GRIK4: variants seen among roughly 807,000 people sequenced by gnomAD.
The protein encoded by GRIK4 is glutamate receptor ionotropic, kainate 4.
Under a neutral mutation model 104.9 loss-of-function variants are expected in GRIK4, and 40 were observed. The observed-to-expected ratio is 0.38, with a 90% CI of 0.30 to 0.50. The LOEUF (loss-of-function observed/expected upper bound fraction) is 0.50, where lower values mean the gene tolerates loss of function less well. GRIK4 is among the 20% of genes least tolerant of loss of function. The pLI is 0.93. For synonymous variants in GRIK4, 485 were observed against 524.9 expected, an observed-to-expected ratio of 0.92 and a Z score of 1.04; for missense variants, 1,047 against 1,308.1, an observed-to-expected ratio of 0.80 and a Z score of 3.08.
chr11:120,697,242 G>A (rs1950465123), intron 3 of GRIK4, among the ~76,000 whole-genome samples: 1 of 152,232 alleles, frequency 6.6e-6, no homozygotes, highest in Non-Finnish European at 1.5e-5. Flanking sequence ...GGGAACAGTG[G>A]CAGACAGTCC....
At chr11:120,605,434 A>G (rs1948947418) in intron 1 of GRIK4, among the ~76,000 whole-genome samples, 1 of 152,242 alleles carries the variant, frequency 6.6e-6, no homozygotes, top group Non-Finnish European at 1.5e-5. Flanking sequence ...GTTAAATAAG[A>G]CAAATACTAC....
intron 1 of GRIK4, among the ~76,000 whole-genome samples, chr11:120,608,754 A>G (rs1591735055): frequency 6.6e-6 from 1 of 152,052 alleles, no homozygotes; most frequent in African/African-American, 2.4e-5. Flanking sequence ...TGACCCTGCT[A>G]CCTCCTGCCC....
intron 3 of GRIK4, among the ~76,000 whole-genome samples, chr11:120,784,785 A>AC (rs1952230382): frequency 6.6e-6 from 1 of 150,620 alleles, no homozygotes; most frequent in South Asian, 2.1e-4. Flanking sequence ...TGTGATCTCT[A>AC]CCCTCCCTCC....
intron 3 of GRIK4, among the ~76,000 whole-genome samples, chr11:120,800,068 G>A (rs1718738904): frequency 6.6e-6 from 1 of 150,516 alleles, no homozygotes; most frequent in Admixed American, 6.6e-5. Context: ...TGGTCAGGTT[G>A]GTCTCAAACT....
chr11:120,725,746 A>T (rs185375874), intron 3 of GRIK4, among the ~76,000 whole-genome samples: 2,458 of 136,574 alleles, frequency 0.018, 58 homozygotes, highest in African/African-American at 0.06. Context: ...CTATGTTTAT[A>T]AAAAAAAAAA....
intron 13 of GRIK4, among the ~76,000 whole-genome samples, chr11:120,911,106 G>A (rs1942980764): frequency 6.6e-6 from 1 of 152,184 alleles, no homozygotes; most frequent in Non-Finnish European, 1.5e-5. Context: ...TGTTTGAGCT[G>A]CAGCATGAAA....
chr11:120,677,532 A>G (rs1258123720), intron 3 of GRIK4, among the ~76,000 whole-genome samples: 1 of 152,228 alleles, frequency 6.6e-6, no homozygotes, highest in Non-Finnish European at 1.5e-5. Flanking sequence ...AATACTGACA[A>G]TGCCCTGTTT....
At chr11:120,699,992 T>C (rs1048295471) in intron 3 of GRIK4, among the ~76,000 whole-genome samples, 2 of 152,198 alleles carry the variant, frequency 1.3e-5, no homozygotes, top group African/African-American at 4.8e-5. Context: ...AAGGCCATGA[T>C]TGGACTTCAA....
At position 120,953,916 on chromosome 11, in the gene GRIK4, G is replaced by A. The variant is rs1240137806; in HGVS notation, c.1700+952G>A. Reference sequence around the variant, plus strand: ...TATGTGGGAGCAGAGAACTACTCAGGAGGAGCTTCTGGAATCTGTCCGTGG... The same window carrying A: ...TATGTGGGAGCAGAGAACTACTCAGAAGGAGCTTCTGGAATCTGTCCGTGG... On this transcript the variant is annotated intron_variant, in intron 15 of 20. Coordinates refer to ENST00000527524, the MANE Select transcript of GRIK4 (RefSeq NM_014619.5). This position sits in a 1 kb window ranked among gnomAD's most constrained non-coding sequence, Gnocchi z 4.9. 6.6e-6 allele frequency among the ~76,000 whole-genome samples: 1 copy of A among 152,216 alleles called. No individual in the cohort carries two copies. The highest frequency in any genetic ancestry group is 1.5e-5 in the Non-Finnish European group (1 of 68,038).
rs12294120 is a variant in GRIK4 at position 120,900,650 on chromosome 11, G to C, written c.1272+2011G>C. On this transcript the variant is annotated intron_variant, in intron 12 of 20. Transcript: ENST00000527524. ...TGGTGATGTTGATACCCAGGGGTCA[G>C]GGTGGCCTCTCCGAGAAAGGGAGCA... 7.4e-3 allele frequency among the ~76,000 whole-genome samples: 1,126 copies of C among 152,258 alleles called. 14 individuals are homozygous for C. The highest frequency in any genetic ancestry group is 0.026 in the African/African-American group (1,071 of 41,548).
chr11:120,688,757 A>T (rs1353209819), intron 3 of GRIK4, among the ~76,000 whole-genome samples: 2 of 152,204 alleles, frequency 1.3e-5, no homozygotes, highest in Non-Finnish European at 2.9e-5. Flanking sequence ...GATGCTTTAC[A>T]TTGGAAGTAG....
At chr11:120,657,067 A>G (rs768127845) in intron 2 of GRIK4, among the ~76,000 whole-genome samples, 11 of 152,240 alleles carry the variant, frequency 7.2e-5, no homozygotes, top group Admixed American at 2.0e-4. Context: ...GATTGTATTT[A>G]GTAGTACTTT....
chr11:120,824,537 C>CTT (rs967209826), intron 6 of GRIK4, among the ~76,000 whole-genome samples: 1 of 141,840 alleles, frequency 7.1e-6, no homozygotes. Context: ...TTTTTTCCTT[C>CTT]TTTTTTTTTT....
At chr11:120,689,106 T>C (rs1950317052) in intron 3 of GRIK4, among the ~76,000 whole-genome samples, 1 of 152,096 alleles carries the variant, frequency 6.6e-6, no homozygotes, top group Non-Finnish European at 1.5e-5. Context: ...AGTCAGGGCT[T>C]GGGTAAGCCA....
intron 6 of GRIK4, among the ~76,000 whole-genome samples, chr11:120,829,412 A>T (rs1178435301): frequency 6.6e-6 from 1 of 152,090 alleles, no homozygotes; most frequent in East Asian, 1.9e-4. Flanking sequence ...GCCAAACAAA[A>T]CGGGGATGTG....
chr11:120,977,622 A>G (rs999248843), intron 19 of GRIK4, among the ~76,000 whole-genome samples: 3 of 152,164 alleles, frequency 2.0e-5, no homozygotes, highest in East Asian at 1.9e-4. Flanking sequence ...CCTTGCTTCT[A>G]TGAGGAGGAG....
chr11:120,817,862 T>G (rs1159715968), intron 5 of GRIK4, among the ~76,000 whole-genome samples: 1 of 152,142 alleles, frequency 6.6e-6, no homozygotes, highest in Non-Finnish European at 1.5e-5. Flanking sequence ...AGCTCCTACA[T>G]TTGGGGAGGA....
At chr11:120,550,580 A>T (rs1028835130) in intron 1 of GRIK4, among the ~76,000 whole-genome samples, 1 of 152,008 alleles carries the variant, frequency 6.6e-6, no homozygotes, top group Admixed American at 6.6e-5. Flanking sequence ...GGGTATGCCA[A>T]TGTTAGAGTC....
At chr11:120,843,702 GT>G (rs11295486) in intron 8 of GRIK4, among the ~76,000 whole-genome samples, 151,773 of 152,222 alleles carry the variant, frequency 1, 75,663 homozygotes, top group Middle Eastern at 1. Context: ...CTGGGCTTCG[GT>G]TTTTTTATCT....
Sources: allele counts gnomAD v4.1 joint callset (sites outside exome capture counted in the v4.1 genomes callset), GRCh38; gene constraint gnomAD v4.1.1; non-coding constraint Gnocchi (gnomAD v3.1); transcripts MANE v1.5; gene names NCBI Gene and HGNC (gene_info 2026-07-23, HGNC 2026-07-21).